The following ATP11A variants were observed in gnomAD, a reference collection of about 807,000 sequenced individuals.
ATP11A encodes ATPase phospholipid transporting 11A.
ATP11A carries 81 observed loss-of-function variants against 154.4 expected under a neutral mutation model. The observed-to-expected ratio is 0.52, with a 90% CI of 0.44 to 0.63. ATP11A has a LOEUF of 0.63. Ranked by LOEUF, ATP11A falls within the 30% of genes least tolerant of loss-of-function variation. ATP11A has a pLI of 0.00. For missense variants in ATP11A, 1,316 were observed against 1,474.3 expected (o/e 0.89, Z 1.76); for synonymous variants, 623 against 585.9 (o/e 1.06, Z -0.91).
chr13:112,819,785 A>G, intron 7 of ATP11A, 115 bp from the exon 8 acceptor site: 3 of 1,086,608 alleles, frequency 2.8e-6, no homozygotes, highest in Admixed American at 1.8e-5. Context: ...CTTTAGCCGC[A>G]CACGGAGCGG....
intron 1 of ATP11A, among the ~76,000 whole-genome samples, chr13:112,702,753 A>G (rs1053236511): frequency 6.6e-6 from 1 of 152,210 alleles, no homozygotes; most frequent in Non-Finnish European, 1.5e-5. Context: ...GGCCAGAGGC[A>G]TGGGTCTGAG....
At chr13:112,871,370 G>A (rs1210758806) in intron 25 of ATP11A, among the ~76,000 whole-genome samples, 8 of 152,208 alleles carry the variant, frequency 5.3e-5, no homozygotes, top group African/African-American at 9.6e-5. Context: ...ATATTTAAAT[G>A]CCAGCTGTGA....
At chr13:112,804,925 CAAT>C (rs1414537231) in intron 2 of ATP11A, 29 bp from the exon 3 acceptor site, 5 of 1,409,606 alleles carry the variant, frequency 3.5e-6, no homozygotes, top group East Asian at 2.3e-5. Context: ...AATCTGATCT[CAAT>C]GATGGATGTT....
rs567078669 is a variant in ATP11A at position 112,690,193 on chromosome 13, G to T, written c.-224G>T. The T allele has an allele frequency of 6.3e-3, 978 of 155,788 alleles. 9 individuals are homozygous for T. Among genetic ancestry groups the T allele is most frequent in the African/African-American group, 0.023 (936 of 41,314 alleles). The allele number at this position is 155,788 out of a possible 1,614,324, so 9.7% of individuals were successfully genotyped here. A position where few individuals can be genotyped will look rare whatever the true frequency, so the allele number is the denominator to read the frequency against. On this transcript the variant is annotated 5_prime_UTR_variant, in exon 1 of 30. Coordinates refer to ENST00000375645, the MANE Select transcript of ATP11A (RefSeq NM_015205.3). The surrounding 1 kb of genome is among the most constrained non-coding windows in gnomAD (Gnocchi z 5.6). Reference sequence around the variant, plus strand: ...GCGCGCGGCCCCGAGCAGCAGCCTTGCCGCCAGTGGAGCAGCTGCCGACGC... The same window carrying T: ...GCGCGCGGCCCCGAGCAGCAGCCTTTCCGCCAGTGGAGCAGCTGCCGACGC...
chr13:112,774,092 G>T (rs1370322891), intron 1 of ATP11A, among the ~76,000 whole-genome samples: 2 of 152,240 alleles, frequency 1.3e-5, no homozygotes, highest in African/African-American at 2.4e-5. Context: ...GAGAGAACCT[G>T]GCTAAGCATT....
chr13:112,880,034 C>CA (rs1566610080), intron 29 of ATP11A, among the ~76,000 whole-genome samples: 1 of 152,220 alleles, frequency 6.6e-6, no homozygotes, highest in Non-Finnish European at 1.5e-5. Context: ...TGCAATTGTG[C>CA]AATTCCAAGC....
rs1281880162 is a variant in ATP11A at position 112,690,742 on chromosome 13, C to T, written c.39+287C>T. ...GCGCCCCCTTCCCGCCCGCAGCGCC[C>T]TGGGGGTCCCTCGGAGAGGCTGGCT... is the stretch of plus-strand genomic sequence containing the variant. On this transcript the variant is annotated intron_variant, in intron 1 of 29. Coordinates refer to ENST00000375645, the MANE Select transcript of ATP11A (RefSeq NM_015205.3). This position sits in a 1 kb window ranked among gnomAD's most constrained non-coding sequence, Gnocchi z 5.6. Among the ~76,000 whole-genome samples, 2 of 152,102 alleles carry T rather than the reference C, an allele frequency of 1.3e-5. No individual in the cohort carries two copies. The highest frequency in any genetic ancestry group is 2.9e-5 in the Non-Finnish European group (2 of 67,992).
intron 24 of ATP11A, among the ~76,000 whole-genome samples, chr13:112,861,825 G>A (rs907998072): frequency 6.6e-6 from 1 of 151,890 alleles, no homozygotes; most frequent in African/African-American, 2.4e-5. Flanking sequence ...CTAGACATGT[G>A]TCTGAAAGGA....
At chr13:112,711,772 A>G (rs1017831982) in intron 1 of ATP11A, among the ~76,000 whole-genome samples, 2 of 152,236 alleles carry the variant, frequency 1.3e-5, no homozygotes, top group African/African-American at 4.8e-5. Context: ...GGACTGGGAA[A>G]CAGCCCGGAT....
Position 112,790,276 on chromosome 13 carries a change from C to T in ATP11A, c.162+5019C>T, listed in dbSNP as rs1035790964. Among the ~76,000 whole-genome samples, 53 of 152,104 alleles carry T rather than the reference C, an allele frequency of 3.5e-4. 1 individual carries two copies. The highest frequency in any genetic ancestry group is 2.0e-4 in the Admixed American group (3 of 15,292). ...ACCCGGCATCTTGACATGTAGACTC[C>T]TATGTAGACATACTTAATTCACATT... On this transcript the variant is annotated intron_variant, in intron 2 of 29. Transcript: ENST00000375645.
intron 2 of ATP11A, among the ~76,000 whole-genome samples, chr13:112,796,927 A>G (rs1483207082): frequency 6.6e-6 from 1 of 152,070 alleles, no homozygotes; most frequent in Non-Finnish European, 1.5e-5. Context: ...GCAAAGAGGA[A>G]AAAAGAGTGA....
chr13:112,844,585 A>G (rs1191689047), intron 17 of ATP11A, among the ~76,000 whole-genome samples: 1 of 152,186 alleles, frequency 6.6e-6, no homozygotes, highest in Admixed American at 6.5e-5. Flanking sequence ...CAGAATCACA[A>G]AAGGCGGCTG....
intron 12 of ATP11A, among the ~76,000 whole-genome samples, chr13:112,829,772 A>G (rs891698279): frequency 3.9e-5 from 6 of 152,346 alleles, no homozygotes; most frequent in South Asian, 2.1e-4. Context: ...TGATGACACA[A>G]TCTTATATAT....
intron 1 of ATP11A, among the ~76,000 whole-genome samples, chr13:112,729,055 T>G (rs1170687213): frequency 6.6e-6 from 1 of 152,182 alleles, no homozygotes; most frequent in Non-Finnish European, 1.5e-5. Context: ...AAGCAAAGGC[T>G]TTGTTCTCTG....
At chr13:112,880,522 T>G (rs1251917707) in intron 29 of ATP11A, 1 of 1,293,178 alleles carries the variant, frequency 7.7e-7, no homozygotes, top group Non-Finnish European at 1.0e-6. Context: ...CCCACGTCGC[T>G]CAGTATCTTT....
intron 25 of ATP11A, among the ~76,000 whole-genome samples, chr13:112,864,922 C>G (rs184085336): frequency 3.8e-4 from 21 of 55,346 alleles, no homozygotes; most frequent in Admixed American, 1.0e-3. Context: ...TCACCACCTG[C>G]GCAGTAATTC....
chr13:112,788,194 A>G (rs1354056675), intron 2 of ATP11A, among the ~76,000 whole-genome samples: 1 of 150,144 alleles, frequency 6.7e-6, no homozygotes, highest in Admixed American at 6.6e-5. Flanking sequence ...CCTGATGTGT[A>G]GACTCCTGTG....
rs778891208 is a variant in ATP11A, at chr13:112,851,046, C to T, written c.1819C>T (p.Arg607Ter). 2.5e-6 allele frequency: 4 copies of T among 1,613,800 alleles called. No individual in the cohort carries two copies. The highest frequency in any genetic ancestry group is 2.5e-6 in the Non-Finnish European group (3 of 1,179,780). The change falls in exon 18 of 30, where the codon CGA becomes TGA. Residue 607 changes from arginine (R) to a stop codon, truncating the protein, a stop_gained. Coordinates refer to ENST00000375645, the MANE Select transcript of ATP11A (RefSeq NM_015205.3). LOFTEE classifies it high-confidence loss of function. ...GCATTGTGTTCTGCAGGAGGGGCTC[C>T]GAACTTTGTGTGTTGCTTATAAAAG... Reference protein sequence around the residue: ...RVERNAVEGLRTLCVAYKRLI... With the variant: ...RVERNAVEGL
intron 1 of ATP11A, among the ~76,000 whole-genome samples, chr13:112,762,044 TAGAA>T (rs1169893230): frequency 6.6e-6 from 1 of 152,130 alleles, no homozygotes; most frequent in Non-Finnish European, 1.5e-5. Flanking sequence ...CGATGGAAGA[TAGAA>T]AGCAGCAGGA....
Sources: gnomAD v4.1 joint callset for allele counts (sites outside exome capture counted in the v4.1 genomes callset) on GRCh38, gnomAD v4.1.1 for gene constraint, Gnocchi (gnomAD v3.1) non-coding constraint, MANE v1.5 for transcripts, NCBI Gene and HGNC (gene_info 2026-07-23, HGNC 2026-07-21) for gene names.